Variants in ERBB4 observed in about 807,000 individuals in gnomAD.
The protein encoded by ERBB4 is erb-b2 receptor tyrosine kinase 4.
ERBB4 carries 42 observed loss-of-function variants against 158.0 expected under a neutral mutation model. The observed-to-expected ratio is 0.27, with a 90% CI of 0.21 to 0.34. The LOEUF (loss-of-function observed/expected upper bound fraction) is 0.34. Ranked by LOEUF, ERBB4 falls within the 10% of genes least tolerant of loss-of-function variation. ERBB4 has a pLI of 1.00. For missense variants in ERBB4, 1,333 were observed against 1,624.1 expected, an observed-to-expected ratio of 0.82 and a Z score of 3.08; for synonymous variants, 583 against 558.7, an observed-to-expected ratio of 1.04 and a Z score of -0.61.
chr2:211,433,945 C>T (rs1014757186), intron 20 of ERBB4, among the ~76,000 whole-genome samples: 4 of 152,058 alleles, frequency 2.6e-5, no homozygotes, highest in Admixed American at 6.6e-5. Context: ...TCTGCTCCTA[C>T]GTGTAAGAGT....
At chr2:211,507,221 C>T (rs1409045580) in intron 20 of ERBB4, among the ~76,000 whole-genome samples, 1 of 152,036 alleles carries the variant, frequency 6.6e-6, no homozygotes, top group African/African-American at 2.4e-5. Flanking sequence ...TAATAAAAAA[C>T]ATCTTTCATC....
At position 212,424,996 on chromosome 2, in the gene ERBB4, G is replaced by A. The variant is rs759048158; in HGVS notation, c.82+113453C>T. Among the ~76,000 whole-genome samples, 17 of 151,778 alleles carry A rather than the reference G, an allele frequency of 1.1e-4. 1 individual carries two copies. Among genetic ancestry groups the A allele is most frequent in the Non-Finnish European group, 1.8e-4 (12 of 67,888 alleles). ...GATACCTAATGTTATCCATGTATCC[G>A]TGAAGAAAAAGTACTGCACAGAAAT... On this transcript the variant is annotated intron_variant, in intron 1 of 27. Transcript: ENST00000342788.
At chr2:211,537,991 AAATGAC>A (rs1402592528) in intron 20 of ERBB4, among the ~76,000 whole-genome samples, 2 of 151,934 alleles carry the variant, frequency 1.3e-5, no homozygotes, top group Non-Finnish European at 1.5e-5. Context: ...TCAGAAATGG[AAATGAC>A]AATAATTTGA....
chr2:211,736,770 G>T (rs151215010), intron 5 of ERBB4, among the ~76,000 whole-genome samples: 7 of 152,086 alleles, frequency 4.6e-5, no homozygotes, highest in Admixed American at 2.0e-4. Flanking sequence ...TGGAAATTTG[G>T]GATCGTTCAG....
At chr2:212,494,913 G>C (rs1281873492) in intron 1 of ERBB4, among the ~76,000 whole-genome samples, 1 of 152,028 alleles carries the variant, frequency 6.6e-6, no homozygotes, top group Non-Finnish European at 1.5e-5. Flanking sequence ...CTTTACAATA[G>C]AGTTAATGCA....
At chr2:212,000,874 A>G (rs1422031927) in intron 2 of ERBB4, among the ~76,000 whole-genome samples, 3 of 151,964 alleles carry the variant, frequency 2.0e-5, no homozygotes, top group Non-Finnish European at 2.9e-5. Context: ...CAGAAAATTT[A>G]CATTTGGTCT....
chr2:212,210,039 A>G (rs1459616141), intron 1 of ERBB4, among the ~76,000 whole-genome samples: 2 of 152,088 alleles, frequency 1.3e-5, no homozygotes, highest in Non-Finnish European at 2.9e-5. Flanking sequence ...AAGGTCATTT[A>G]GCCTCTGGCT....
At chr2:211,736,182 A>T (rs2074594717) in intron 5 of ERBB4, among the ~76,000 whole-genome samples, 1 of 152,080 alleles carries the variant, frequency 6.6e-6, no homozygotes. Flanking sequence ...AAAAAAAAAA[A>T]AAGATAATCA....
chr2:212,068,415 C>A (rs1336989353), intron 2 of ERBB4, among the ~76,000 whole-genome samples: 1 of 152,044 alleles, frequency 6.6e-6, no homozygotes, highest in East Asian at 1.9e-4. Context: ...TGGAGTCATC[C>A]ATGCTAAAGT....
intron 2 of ERBB4, among the ~76,000 whole-genome samples, chr2:212,028,247 T>C (rs1002452805): frequency 6.6e-6 from 1 of 152,084 alleles, no homozygotes; most frequent in Non-Finnish European, 1.5e-5. Flanking sequence ...ATTCTTCAAT[T>C]TCCAAAACTC....
At chr2:212,190,849 A>G (rs1481891504) in intron 1 of ERBB4, among the ~76,000 whole-genome samples, 2 of 152,164 alleles carry the variant, frequency 1.3e-5, no homozygotes, top group African/African-American at 4.8e-5. Context: ...TTAATAAACT[A>G]AATCTAGTTC....
At chr2:212,304,476 A>ATT (rs34504071) in intron 1 of ERBB4, among the ~76,000 whole-genome samples, 4 of 150,874 alleles carry the variant, frequency 2.7e-5, no homozygotes, top group Non-Finnish European at 5.9e-5. Flanking sequence ...AAGAACACAT[A>ATT]TTTTTTTTAT....
At chr2:212,156,210 T>A (rs1374875180) in intron 1 of ERBB4, among the ~76,000 whole-genome samples, 2 of 151,968 alleles carry the variant, frequency 1.3e-5, no homozygotes, top group Non-Finnish European at 2.9e-5. Flanking sequence ...GACATATATG[T>A]GGGAGCGTAA....
intron 10 of ERBB4, 129 bp downstream of exon 10, chr2:211,705,189 T>C: frequency 1.4e-6 from 1 of 719,348 alleles, no homozygotes; most frequent in Non-Finnish European, 2.6e-6. Context: ...CCTGACCTCA[T>C]GATCCACCCG....
intron 19 of ERBB4, among the ~76,000 whole-genome samples, chr2:211,571,259 T>G (rs1441716696): frequency 6.6e-6 from 1 of 152,054 alleles, no homozygotes; most frequent in Non-Finnish European, 1.5e-5. Context: ...TGCAGTCTCT[T>G]ACCTCCTTAC....
At chr2:212,238,408 C>T (rs1280406294) in intron 1 of ERBB4, among the ~76,000 whole-genome samples, 1 of 152,124 alleles carries the variant, frequency 6.6e-6, no homozygotes, top group Non-Finnish European at 1.5e-5. Context: ...GGGCTGCAAC[C>T]ACTGTCTAAC....
At chr2:212,406,388 A>T (rs1045429001) in intron 1 of ERBB4, among the ~76,000 whole-genome samples, 29 of 152,142 alleles carry the variant, frequency 1.9e-4, no homozygotes, top group Non-Finnish European at 4.1e-4. Flanking sequence ...CAGATCTAGA[A>T]CTAGTATGAC....
At chr2:212,372,186 A>C (rs2090111582) in intron 1 of ERBB4, among the ~76,000 whole-genome samples, 1 of 152,126 alleles carries the variant, frequency 6.6e-6, no homozygotes, top group East Asian at 1.9e-4. Context: ...GTTCAAAGCA[A>C]GGACATCAGA....
Position 211,623,041 on chromosome 2 carries a change from AT to A in ERBB4, c.2202+880del, listed in dbSNP as rs2069692902. Among the ~76,000 whole-genome samples the A allele has an allele frequency of 8.5e-5, 9 of 105,294 alleles. 1 individual carries two copies. The South Asian group carries it at 2.6e-3, about 30-fold the overall frequency. The allele number at this position is 105,294 out of a possible 152,430, so 69.1% of individuals were successfully genotyped here. ...TATATATATATATATATATATATATATATAAAATGCCAAAGTAACTTTTGGG... is the reference window on the plus strand; with the variant it reads ...TATATATATATATATATATATATATAATAAAATGCCAAAGTAACTTTTGGG... On this transcript the variant is annotated intron_variant, in intron 18 of 27. Transcript: ENST00000342788.
Sources: allele counts gnomAD v4.1 joint callset (sites outside exome capture counted in the v4.1 genomes callset), GRCh38; gene constraint gnomAD v4.1.1; transcripts MANE v1.5; gene names NCBI Gene and HGNC (gene_info 2026-07-23, HGNC 2026-07-21).